Variants in PHF21A observed in about 807,000 individuals in gnomAD.
PHF21A encodes BHC80a.
In PHF21A, 11 loss-of-function variants were observed where a neutral mutation model predicts 82.5. The ratio of observed to expected loss-of-function variants is 0.13; its 90% CI spans 0.08 to 0.22. The LOEUF is 0.22. PHF21A is among the 10% of genes least tolerant of loss of function. PHF21A has a pLI of 1.00. For missense variants in PHF21A, 579 were observed against 837.8 expected (o/e 0.69, Z 3.81); for synonymous variants, 297 against 302.8 (o/e 0.98, Z 0.20).
intron 2 of PHF21A, 83 bp from the exon 3 acceptor site, chr11:46,090,649 C>G (rs2096913319): frequency 6.6e-6 from 1 of 151,556 alleles, no homozygotes; most frequent in Non-Finnish European, 1.5e-5. Flanking sequence ...CCCACCCCCA[C>G]CCCACCTCAA....
At chr11:46,075,028 A>G (rs1592857246) in intron 6 of PHF21A, among the ~76,000 whole-genome samples, 1 of 152,198 alleles carries the variant, frequency 6.6e-6, no homozygotes, top group African/African-American at 2.4e-5. Context: ...GTATACCTAA[A>G]GTTTTCCTGA....
At chr11:46,072,320 G>T (rs539068934) in intron 6 of PHF21A, among the ~76,000 whole-genome samples, 21 of 152,352 alleles carry the variant, frequency 1.4e-4, no homozygotes, top group African/African-American at 4.8e-4. Flanking sequence ...GATCTAACTG[G>T]AAGTGGTGCA....
chr11:46,093,767 T>G (rs1161384774), intron 1 of PHF21A, among the ~76,000 whole-genome samples: 1 of 152,208 alleles, frequency 6.6e-6, no homozygotes, highest in Non-Finnish European at 1.5e-5. Context: ...TGTTGAGGGC[T>G]TATCTTCCCT....
Position 46,121,415 on chromosome 11 carries a change from G to GCACCACCAGCCCATT in PHF21A, c.-732_-718dup, listed in dbSNP as rs1240796514. Among the ~76,000 whole-genome samples, 1 of 150,500 alleles carries GCACCACCAGCCCATT rather than the reference G, an allele frequency of 6.6e-6. No individual in the cohort carries two copies. ...CTCCTCCTCTCAGCAGCAGCAGCGA[G>GCACCACCAGCCCATT]CACCACCAGCCCATTCACCACCCGG... On this transcript the variant is annotated 5_prime_UTR_variant, in exon 1 of 19. The change creates a new upstream start codon in the 5' untranslated region. Transcript: ENST00000676320.
chr11:45,963,485 T>C (rs532182262), intron 10 of PHF21A, among the ~76,000 whole-genome samples: 126 of 151,488 alleles, frequency 8.3e-4, no homozygotes, highest in Middle Eastern at 3.4e-3. Flanking sequence ...CTGTTAATAG[T>C]AATTAACTCC....
At chr11:45,936,674 G>A (rs1170138532) in intron 16 of PHF21A, 105 bp from the exon 17 acceptor site, 4 of 792,986 alleles carry the variant, frequency 5.0e-6, no homozygotes, top group East Asian at 2.5e-5. Flanking sequence ...TAAAATCCAG[G>A]AAGGATTTAT....
rs546016534 is a variant in PHF21A at position 45,938,090 on chromosome 11, G to T, written c.1608+67C>A. 11 of 1,355,024 alleles carry T rather than the reference G, an allele frequency of 8.1e-6. No homozygotes were observed. In the African/African-American group the frequency reaches 1.6e-4, roughly 20 times the overall value. The allele number at this position is 1,355,024 out of a possible 1,614,324, so 83.9% of individuals were successfully genotyped here. ...AGAGACTGCCATTTCCCCGGGAAAG[G>T]AATTCCTCCTGATGGCCGTGTCTTT... On this transcript the variant is annotated intron_variant, in intron 16 of 18. Coordinates refer to ENST00000676320, the MANE Select transcript of PHF21A (RefSeq NM_001352027.3).
chr11:45,935,329 G>A, intron 18 of PHF21A: 1 of 1,063,256 alleles, frequency 9.4e-7, no homozygotes, highest in Non-Finnish European at 1.3e-6. Context: ...ACACTGTCAG[G>A]AATACGCAGG....
At chr11:46,067,089 T>C (rs1483445361) in intron 6 of PHF21A, among the ~76,000 whole-genome samples, 1 of 152,196 alleles carries the variant, frequency 6.6e-6, no homozygotes, top group Admixed American at 6.5e-5. Flanking sequence ...CCTTATGTAT[T>C]ACTTACTTAT....
chr11:46,067,590 A>AC (rs145616055), intron 6 of PHF21A, among the ~76,000 whole-genome samples: 3,137 of 62,252 alleles, frequency 0.05, 53 homozygotes, highest in Admixed American at 0.082. Flanking sequence ...AGAATATTCC[A>AC]CCCCCCACAA....
chr11:45,989,942 T>C (rs554539914), intron 6 of PHF21A, among the ~76,000 whole-genome samples: 67 of 150,636 alleles, frequency 4.4e-4, no homozygotes, highest in African/African-American at 1.6e-3. Context: ...CAGTGAGCCA[T>C]GATCGTGCCA....
intron 6 of PHF21A, among the ~76,000 whole-genome samples, chr11:45,994,883 T>C (rs917780862): frequency 6.6e-6 from 1 of 152,222 alleles, no homozygotes; most frequent in African/African-American, 2.4e-5. Context: ...CTGGTATTTC[T>C]CTGTCCTTGT....
chr11:45,965,485 G>A lies in PHF21A; in HGVS notation c.826C>T (p.Pro276Ser). Residue 276 changes from proline to serine, a missense_variant, in exon 10 of 19, where the codon CCC becomes TCC. Pro to Ser is a moderately conservative substitution (Grantham distance 74, BLOSUM62 -1). Transcript: ENST00000676320. ...MLTKFTPTTL[P>S]TSQNSIHPVR... ...GGGTGGATGGAATTCTGGGATGTGG[G>A]AAGGGTTGTGGGGGTGAACTTGGTC... The A allele has an allele frequency of 6.2e-7, 1 of 1,614,012 alleles. No homozygotes were observed. The highest frequency in any genetic ancestry group is 8.5e-7 in the Non-Finnish European group (1 of 1,179,956).
intron 6 of PHF21A, among the ~76,000 whole-genome samples, chr11:46,034,297 A>G (rs1250007131): frequency 6.6e-6 from 1 of 150,464 alleles, no homozygotes; most frequent in African/African-American, 2.4e-5. Context: ...TATATGTAAG[A>G]CTAATAACCC....
rs558745072 is a variant in PHF21A, at chr11:46,098,536, A to G, written c.-236-6313T>C. Among the ~76,000 whole-genome samples the G allele has an allele frequency of 8.5e-5, 13 of 152,324 alleles. No homozygotes were observed. The East Asian group carries it at 2.5e-3, about 29-fold the overall frequency. ...AGAAGAAATCTTGCTTCCTCACTCT[A>G]TAAAGTACAAAAATCCTTATTCACA... On this transcript the variant is annotated intron_variant, in intron 1 of 18. Transcript: ENST00000676320.
At chr11:46,111,851 C>T (rs1593392024) in intron 1 of PHF21A, among the ~76,000 whole-genome samples, 2 of 152,302 alleles carry the variant, frequency 1.3e-5, no homozygotes, top group South Asian at 4.1e-4. Flanking sequence ...TGTTTACTGG[C>T]CTCCAATACA....
intron 6 of PHF21A, among the ~76,000 whole-genome samples, chr11:46,030,357 C>A (rs567381112): frequency 6.6e-6 from 1 of 152,208 alleles, no homozygotes; most frequent in African/African-American, 2.4e-5. Flanking sequence ...CGATCCTGCA[C>A]GATCTTTTAT....
At chr11:45,934,759 G>C (rs2088438445) in intron 18 of PHF21A, 1 of 339,932 alleles carries the variant, frequency 2.9e-6, no homozygotes, top group Non-Finnish European at 5.8e-6. Flanking sequence ...CAAGGACAAA[G>C]GCCTGCAGCC....
chr11:46,010,554 T>G (rs2095391028), intron 6 of PHF21A, among the ~76,000 whole-genome samples: 1 of 152,210 alleles, frequency 6.6e-6, no homozygotes, highest in African/African-American at 2.4e-5. Flanking sequence ...TAACTCAAAA[T>G]TAAATTATAT....
Sources: allele counts gnomAD v4.1 joint callset (sites outside exome capture counted in the v4.1 genomes callset), GRCh38; gene constraint gnomAD v4.1.1; transcripts MANE v1.5; gene names NCBI Gene and HGNC (gene_info 2026-07-23, HGNC 2026-07-21).